Variants in SMAD4 observed in about 807,000 individuals in gnomAD.
SMAD4 encodes the protein MAD homolog 4.
Under a neutral mutation model 63.2 loss-of-function variants are expected in SMAD4, and 7 were observed. The observed-to-expected ratio is 0.11, with a 90% CI of 0.06 to 0.21. The LOEUF (loss-of-function observed/expected upper bound fraction) is 0.21, where lower values mean the gene tolerates loss of function less well. Ranked by LOEUF, SMAD4 falls within the 10% of genes least tolerant of loss-of-function variation. SMAD4 has a pLI of 1.00. For synonymous variants in SMAD4, 215 were observed against 235.4 expected (o/e 0.91, Z 0.79); for missense variants, 312 against 693.8 (o/e 0.45, Z 6.18).
At chr18:51,073,392 C>T (rs35752513) in intron 10 of SMAD4, among the ~76,000 whole-genome samples, 8,381 of 25,142 alleles carry the variant, frequency 0.33, 331 homozygotes, top group Non-Finnish European at 0.38. Flanking sequence ...TATATATACA[C>T]ACACACACAC....
intron 8 of SMAD4, among the ~76,000 whole-genome samples, chr18:51,064,036 T>C (rs1910085763): frequency 6.6e-6 from 1 of 152,110 alleles, no homozygotes; most frequent in South Asian, 2.1e-4. Context: ...GCATCAATCA[T>C]ACTTCATTTT....
intron 10 of SMAD4, among the ~76,000 whole-genome samples, chr18:51,068,600 ATG>A (rs1462223952): frequency 4.6e-5 from 7 of 152,192 alleles, no homozygotes; most frequent in Non-Finnish European, 1.5e-5. Context: ...TAGGATATCC[ATG>A]TGTATAGAAA....
At chr18:51,051,514 C>G (rs564781939) in intron 4 of SMAD4, 4 of 419,022 alleles carry the variant, frequency 9.5e-6, no homozygotes, top group South Asian at 5.2e-5. Context: ...ATGAAACTTT[C>G]TATGACCACG....
chr18:51,062,395 A>G (rs1910037119), intron 8 of SMAD4, among the ~76,000 whole-genome samples: 1 of 152,130 alleles, frequency 6.6e-6, no homozygotes, highest in South Asian at 2.1e-4. Flanking sequence ...CTCCTACCCC[A>G]TGAATTTTGT....
intron 10 of SMAD4, among the ~76,000 whole-genome samples, chr18:51,067,493 A>G (rs1910197789): frequency 1.3e-5 from 2 of 152,060 alleles, no homozygotes; most frequent in Non-Finnish European, 2.9e-5. Context: ...GCTCACTGCA[A>G]CCTGCGCCTC....
chr18:51,072,943 C>T lies in SMAD4; in HGVS notation c.1309-3695C>T, dbSNP rs368754762. ...AACAAATGGAATCTGTTATGGTATC[C>T]GTTATCAATGGATTAGTTACAGTGT... On this transcript the variant is annotated intron_variant, in intron 10 of 11. Transcript: ENST00000342988. 2.3e-3 allele frequency among the ~76,000 whole-genome samples: 353 copies of T among 152,090 alleles called. 2 individuals are homozygous for T. Among genetic ancestry groups the T allele is most frequent in the African/African-American group, 8.3e-3 (343 of 41,484 alleles).
chr18:51,035,341 C>A (rs533468191), intron 1 of SMAD4, among the ~76,000 whole-genome samples: 119 of 152,090 alleles, frequency 7.8e-4, no homozygotes, highest in Middle Eastern at 3.4e-3. Flanking sequence ...TACTTGTACT[C>A]CTTTTGGAGA....
rs1910130540 is a variant in SMAD4, at chr18:51,065,687, T to C, written c.1139+81T>C. 7 of 1,138,778 alleles carry C rather than the reference T, an allele frequency of 6.1e-6. No homozygotes were observed. In the South Asian group the frequency reaches 6.9e-5, roughly 11 times the overall value. 70.5% of individuals were successfully genotyped at this position (1,138,778 alleles called of 1,614,324 possible). A position where few individuals can be genotyped will look rare whatever the true frequency, so the allele number is the denominator to read the frequency against. On this transcript the variant is annotated intron_variant, in intron 9 of 11. Transcript: ENST00000342988. ...TTTTATTCAAGGTTATGTTTTCCCA[T>C]GTACATTATATGTGTTCTTAAATAT... is the stretch of plus-strand genomic sequence containing the variant.
chr18:51,032,709 A>G (rs1430756528), intron 1 of SMAD4, among the ~76,000 whole-genome samples: 1 of 152,076 alleles, frequency 6.6e-6, no homozygotes, highest in Admixed American at 6.5e-5. Flanking sequence ...CCAGTGTTAT[A>G]GTAACATCAT....
intron 1 of SMAD4, among the ~76,000 whole-genome samples, chr18:51,040,236 C>T (rs1909334305): frequency 6.6e-6 from 1 of 151,976 alleles, no homozygotes; most frequent in South Asian, 2.1e-4. Context: ...ACCATCCTGG[C>T]CAACGTGGTG....
In SMAD4 at chr18:51,074,701, A is replaced by G. The variant is rs142914218; in HGVS notation, c.1309-1937A>G. Among the ~76,000 whole-genome samples, 1,089 of 152,348 alleles carry G rather than the reference A, an allele frequency of 7.1e-3. 9 individuals carry two copies. The highest frequency in any genetic ancestry group is 0.025 in the African/African-American group (1,030 of 41,570). On this transcript the variant is annotated intron_variant, in intron 10 of 11. Transcript: ENST00000342988. ...TTTACTTCTTTAAAAAAGTGGTTGT[A>G]GAGCTATTTACCTTTTCAAATGTTT... is the stretch of plus-strand genomic sequence containing the variant.
intron 10 of SMAD4, among the ~76,000 whole-genome samples, chr18:51,073,386 TATACACAC>T (rs1276908614): frequency 6.0e-4 from 49 of 82,056 alleles, no homozygotes; most frequent in African/African-American, 2.1e-3. Context: ...TATATATATA[TATACACAC>T]ACACACACAC....
chr18:51,047,399 C>A, intron 2 of SMAD4, 104 bp downstream of exon 2: 1 of 982,836 alleles, frequency 1.0e-6, no homozygotes, highest in Non-Finnish European at 1.6e-6. Context: ...TGTGCTCCAT[C>A]TCTTCAGATA....
chr18:51,055,299 G>T (rs921064975), intron 5 of SMAD4, among the ~76,000 whole-genome samples: 1 of 152,054 alleles, frequency 6.6e-6, no homozygotes, highest in Admixed American at 6.6e-5. Flanking sequence ...AAGTAGTTTT[G>T]ATCCAAGATG....
intron 10 of SMAD4, 40 bp downstream of exon 10, chr18:51,067,227 T>G: frequency 8.7e-7 from 1 of 1,155,172 alleles, no homozygotes; most frequent in Non-Finnish European, 1.3e-6. Flanking sequence ...GACTTAAAGC[T>G]CTATTTGTTG....
intron 1 of SMAD4, among the ~76,000 whole-genome samples, 159 bp downstream of exon 1, chr18:51,030,782 GC>G (rs1425797966): frequency 6.6e-6 from 1 of 151,346 alleles, no homozygotes; most frequent in Non-Finnish European, 1.5e-5. Flanking sequence ...GGCCTGACGA[GC>G]CGGGCCGGGC....
intron 1 of SMAD4, among the ~76,000 whole-genome samples, chr18:51,043,526 G>C (rs1909450252): frequency 6.6e-6 from 1 of 152,094 alleles, no homozygotes; most frequent in Non-Finnish European, 1.5e-5. Flanking sequence ...TTTAATGTAG[G>C]AATACATCTC....
intron 8 of SMAD4, 30 bp from the exon 9 acceptor site, chr18:51,065,393 A>T (rs1910119216): frequency 3.2e-6 from 5 of 1,574,834 alleles, no homozygotes; most frequent in South Asian, 1.1e-5. Context: ...TTCTCATGGG[A>T]GGATGTTCTT....
At chr18:51,061,979 T>C (rs959441976) in intron 8 of SMAD4, among the ~76,000 whole-genome samples, 4 of 152,210 alleles carry the variant, frequency 2.6e-5, no homozygotes, top group African/African-American at 9.6e-5. Flanking sequence ...TTGTAGAATT[T>C]CTAGATCAAA....
Sources: gnomAD v4.1 joint callset for allele counts (sites outside exome capture counted in the v4.1 genomes callset) on GRCh38, gnomAD v4.1.1 for gene constraint, MANE v1.5 for transcripts, NCBI Gene and HGNC (gene_info 2026-07-23, HGNC 2026-07-21) for gene names.